The following DLGAP2 variants were observed in gnomAD, a reference collection of about 807,000 sequenced individuals.
DLGAP2 encodes DLG associated protein 2.
A neutral mutation model predicts 100.3 loss-of-function variants in DLGAP2; 26 were observed. That is an observed-to-expected ratio of 0.26 (90% confidence interval 0.19 to 0.36). The LOEUF (loss-of-function observed/expected upper bound fraction) is 0.36. Ranked by LOEUF, DLGAP2 falls within the 10% of genes least tolerant of loss-of-function variation. The pLI, the probability that DLGAP2 is intolerant of heterozygous loss-of-function variation, is 1.00. For missense variants in DLGAP2, 1,858 were observed against 1,453.2 expected, an observed-to-expected ratio of 1.28 and a Z score of -4.53; for synonymous variants, 886 against 630.1, an observed-to-expected ratio of 1.41 and a Z score of -6.08.
intron 3 of DLGAP2, among the ~76,000 whole-genome samples, chr8:1,427,940 T>A (rs1411194036): frequency 6.6e-6 from 1 of 152,218 alleles, no homozygotes; most frequent in East Asian, 1.9e-4. Flanking sequence ...TTGGAATTAA[T>A]ATAAAATGAA....
At chr8:1,289,845 A>G (rs890339767) in intron 3 of DLGAP2, among the ~76,000 whole-genome samples, 12 of 152,216 alleles carry the variant, frequency 7.9e-5, no homozygotes, top group Non-Finnish European at 1.5e-5. Flanking sequence ...TTCAGCAGTG[A>G]TGGGAATTTA....
chr8:946,671 G>T (rs1180659312), intron 2 of DLGAP2, among the ~76,000 whole-genome samples: 2 of 152,180 alleles, frequency 1.3e-5, no homozygotes, highest in African/African-American at 4.8e-5. Context: ...CAGCAGACAG[G>T]TAATACCTGT....
chr8:1,325,864 C>G (rs1370692833), intron 3 of DLGAP2, among the ~76,000 whole-genome samples: 1 of 152,162 alleles, frequency 6.6e-6, no homozygotes. Context: ...GGCTTTCCAG[C>G]CACAGTCTTC....
At chr8:1,514,322 A>AC (rs1221826648) in intron 4 of DLGAP2, among the ~76,000 whole-genome samples, 4 of 152,274 alleles carry the variant, frequency 2.6e-5, no homozygotes, top group African/African-American at 7.2e-5. Context: ...GCGAAGGGTA[A>AC]CCCCCAACAG....
intron 2 of DLGAP2, among the ~76,000 whole-genome samples, chr8:1,069,716 TTG>T (rs1205896774): frequency 6.6e-6 from 1 of 152,208 alleles, no homozygotes; most frequent in Non-Finnish European, 1.5e-5. Flanking sequence ...TAAAAGTTAT[TTG>T]TGCTCGCCAA....
At chr8:1,310,923 C>G (rs947479320) in intron 3 of DLGAP2, among the ~76,000 whole-genome samples, 48 of 151,796 alleles carry the variant, frequency 3.2e-4, no homozygotes, top group African/African-American at 1.1e-3. Flanking sequence ...AGCTATCAGA[C>G]AGAATTAACA....
chr8:1,492,886 C>T (rs1799432410), intron 3 of DLGAP2, among the ~76,000 whole-genome samples: 1 of 152,186 alleles, frequency 6.6e-6, no homozygotes, highest in Admixed American at 6.5e-5. Context: ...ACAGGCACCT[C>T]CACACCTTTC....
chr8:807,928 A>G (rs1796299427), intron 1 of DLGAP2, among the ~76,000 whole-genome samples: 1 of 152,202 alleles, frequency 6.6e-6, no homozygotes, highest in South Asian at 2.1e-4. Flanking sequence ...GGGAGCTAAG[A>G]ACCGGGTCTT....
chr8:767,672 A>T (rs556305383), intron 1 of DLGAP2, among the ~76,000 whole-genome samples: 61 of 152,168 alleles, frequency 4.0e-4, no homozygotes, highest in Middle Eastern at 3.4e-3. Context: ...TAATTGTTTA[A>T]GGTACAAGGA....
At chr8:1,356,764 G>T (rs1801862035) in intron 3 of DLGAP2, among the ~76,000 whole-genome samples, 1 of 152,174 alleles carries the variant, frequency 6.6e-6, no homozygotes, top group Non-Finnish European at 1.5e-5. Context: ...ACAGACAGTG[G>T]GATATGGTGA....
intron 1 of DLGAP2, among the ~76,000 whole-genome samples, chr8:873,415 G>A (rs886892519): frequency 6.6e-6 from 1 of 152,160 alleles, no homozygotes; most frequent in Non-Finnish European, 1.5e-5. Context: ...TGATCTTAGA[G>A]AAACAGAATT....
intron 2 of DLGAP2, among the ~76,000 whole-genome samples, chr8:1,213,936 C>T (rs971485740): frequency 3.3e-5 from 5 of 152,198 alleles, no homozygotes; most frequent in African/African-American, 1.2e-4. Flanking sequence ...CCACAGTGAG[C>T]TGAGGTTGAC....
intron 2 of DLGAP2, among the ~76,000 whole-genome samples, chr8:998,111 G>A (rs1448335034): frequency 4.6e-5 from 7 of 151,484 alleles, no homozygotes; most frequent in Non-Finnish European, 7.4e-5. Context: ...ACATACACAC[G>A]TGTATGAACA....
chr8:1,384,331 C>A (rs1388343713), intron 3 of DLGAP2, among the ~76,000 whole-genome samples: 14 of 148,424 alleles, frequency 9.4e-5, no homozygotes, highest in Admixed American at 9.4e-4. Context: ...CACAGTTACC[C>A]CGGCCTGTGC....
At chr8:747,593 T>G (rs1298698251) in intron 1 of DLGAP2, among the ~76,000 whole-genome samples, 2 of 74,796 alleles carry the variant, frequency 2.7e-5, no homozygotes, top group African/African-American at 1.1e-4. Flanking sequence ...AGGGGCTCCA[T>G]GACGGGACGG....
At chr8:1,437,248 G>A (rs372789686) in intron 3 of DLGAP2, among the ~76,000 whole-genome samples, 6 of 152,224 alleles carry the variant, frequency 3.9e-5, no homozygotes, top group East Asian at 3.9e-4. Flanking sequence ...GCCCAGGCGC[G>A]TAAGGGTGAC....
intron 6 of DLGAP2, among the ~76,000 whole-genome samples, chr8:1,579,679 G>C (rs994634365): frequency 2.0e-5 from 3 of 152,138 alleles, no homozygotes; most frequent in African/African-American, 7.2e-5. Flanking sequence ...AAAACGTTTG[G>C]AGAGCATGCC....
chr8:1,195,015 C>A (rs1797719285), intron 2 of DLGAP2, among the ~76,000 whole-genome samples: 1 of 152,252 alleles, frequency 6.6e-6, no homozygotes. Flanking sequence ...GCCCTGCTCT[C>A]CTGAGAAGCT....
intron 2 of DLGAP2, among the ~76,000 whole-genome samples, chr8:1,174,782 C>T (rs1205011034): frequency 1.3e-5 from 2 of 152,126 alleles, no homozygotes; most frequent in Admixed American, 1.3e-4. Context: ...GTCATCATCA[C>T]CACCATCATT....
Sources: allele counts gnomAD v4.1 joint callset (sites outside exome capture counted in the v4.1 genomes callset), GRCh38; gene constraint gnomAD v4.1.1; transcripts MANE v1.5; gene names NCBI Gene and HGNC (gene_info 2026-07-23, HGNC 2026-07-21).